The following ANO5 variants were observed in gnomAD, a reference collection of about 807,000 sequenced individuals.
ANO5 encodes the protein anoctamin-5.
ANO5 carries 109 observed loss-of-function variants against 121.0 expected under a neutral mutation model. The ratio of observed to expected loss-of-function variants is 0.90; its 90% CI spans 0.77 to 1.06. The LOEUF is 1.06. Among genes scored for constraint, ANO5 ranks in the 50% least tolerant of loss-of-function variants. The pLI, the probability that ANO5 is intolerant of heterozygous loss-of-function variation, is 0.00. For synonymous variants in ANO5, 406 were observed against 359.9 expected (o/e 1.13, Z -1.45); for missense variants, 1,064 against 1,078.5 (o/e 0.99, Z 0.19).
chr11:22,264,086 C>A (rs1854283261), intron 17 of ANO5, among the ~76,000 whole-genome samples: 1 of 143,882 alleles, frequency 7.0e-6, no homozygotes, highest in African/African-American at 2.7e-5. Context: ...TGCAATGGCG[C>A]AATCTCGGCT....
chr11:22,266,801 G>C (rs2133763320), intron 17 of ANO5, among the ~76,000 whole-genome samples: 1 of 152,196 alleles, frequency 6.6e-6, no homozygotes, highest in South Asian at 2.1e-4. Flanking sequence ...TAGTTGTGGG[G>C]TGTGGGTTAT....
intron 7 of ANO5, among the ~76,000 whole-genome samples, chr11:22,230,995 A>G (rs1000037749): frequency 6.6e-6 from 1 of 151,956 alleles, no homozygotes; most frequent in Non-Finnish European, 1.5e-5. Context: ...ACTCTCTAAT[A>G]TAGACATCCA....
intron 1 of ANO5, among the ~76,000 whole-genome samples, chr11:22,201,329 C>T (rs899692385): frequency 6.6e-6 from 1 of 152,000 alleles, no homozygotes; most frequent in Non-Finnish European, 1.5e-5. Flanking sequence ...TCTTCTTTTG[C>T]GGATAAAAAG....
rs765275176 is a variant in ANO5 at position 22,218,269 on chromosome 11, C to T, written c.162C>T (p.Phe54=). The change falls in exon 4 of 22, where the codon TTC becomes TTT. Residue 54 remains phenylalanine, a synonymous_variant. Coordinates refer to ENST00000324559, the MANE Select transcript of ANO5 (RefSeq NM_213599.3). ...AGCCTGCAAAGCGATTCAATTTGTTCCTGAGGCGGCGGCTTATGGTAAAAC... is the reference window on the plus strand; with the variant it reads ...AGCCTGCAAAGCGATTCAATTTGTTTCTGAGGCGGCGGCTTATGGTAAAAC... ...ETMPAKRFNL[F]LRRRLMFQKN... The T allele has an allele frequency of 1.1e-5, 18 of 1,613,232 alleles. No individual in the cohort carries two copies. The highest frequency in any genetic ancestry group is 1.5e-5 in the Non-Finnish European group (18 of 1,179,704).
chr11:22,240,300 T>C (rs1853386871), intron 9 of ANO5, among the ~76,000 whole-genome samples: 1 of 151,984 alleles, frequency 6.6e-6, no homozygotes, highest in Non-Finnish European at 1.5e-5. Context: ...ATAGCAATAC[T>C]ACAAGCATAC....
chr11:22,242,287 T>C (rs1853457984), intron 9 of ANO5, among the ~76,000 whole-genome samples: 1 of 152,164 alleles, frequency 6.6e-6, no homozygotes, highest in South Asian at 2.1e-4. Flanking sequence ...ACCATAGCCT[T>C]ATAGCATAGT....
At chr11:22,251,868 A>T (rs1452773666) in intron 12 of ANO5, among the ~76,000 whole-genome samples, 3 of 151,648 alleles carry the variant, frequency 2.0e-5, no homozygotes, top group African/African-American at 7.3e-5. Context: ...CTACTAAAAA[A>T]TACCAAAAAA....
chr11:22,196,431 T>C (rs1851812481), intron 1 of ANO5, among the ~76,000 whole-genome samples: 1 of 152,040 alleles, frequency 6.6e-6, no homozygotes, highest in Non-Finnish European at 1.5e-5. Flanking sequence ...ACAGTTAAAT[T>C]TCACCATGAG....
At position 22,206,075 on chromosome 11, in the gene ANO5, C is replaced by T. The variant is rs1371756672; in HGVS notation, c.87+2225C>T. Among the ~76,000 whole-genome samples, 3 of 151,846 alleles carry T rather than the reference C, an allele frequency of 2.0e-5. No individual in the cohort carries two copies. The East Asian group carries it at 5.8e-4, about 29-fold the overall frequency. On this transcript the variant is annotated intron_variant, in intron 2 of 21. Coordinates refer to ENST00000324559, the MANE Select transcript of ANO5 (RefSeq NM_213599.3). ...AACATTAATTTTATACAATCTCTTCCAGAAAATAGAAGAAAAACAGATGCT... is the reference window on the plus strand; with the variant it reads ...AACATTAATTTTATACAATCTCTTCTAGAAAATAGAAGAAAAACAGATGCT...
chr11:22,208,648 C>T (rs1455762904), intron 2 of ANO5, among the ~76,000 whole-genome samples: 1 of 151,928 alleles, frequency 6.6e-6, no homozygotes, highest in African/African-American at 2.4e-5. Flanking sequence ...AAATGACCTC[C>T]AACTATACAG....
At chr11:22,200,845 T>G (rs1292266787) in intron 1 of ANO5, among the ~76,000 whole-genome samples, 1 of 152,166 alleles carries the variant, frequency 6.6e-6, no homozygotes, top group Non-Finnish European at 1.5e-5. Context: ...ATTGCTGATA[T>G]AGGATTTGAA....
At chr11:22,267,296 G>T (rs545529817) in intron 17 of ANO5, among the ~76,000 whole-genome samples, 1 of 151,208 alleles carries the variant, frequency 6.6e-6, no homozygotes, top group Non-Finnish European at 1.5e-5. Context: ...GGATTTTTAC[G>T]TTTGATATGA....
Position 22,269,047 on chromosome 11 carries a change from G to A in ANO5, c.1899-1265G>A, listed in dbSNP as rs566466944. Among the ~76,000 whole-genome samples, 5 of 150,510 alleles carry A rather than the reference G, an allele frequency of 3.3e-5. No homozygotes were observed. The South Asian group carries it at 6.3e-4, about 19-fold the overall frequency. ...ACATAGAGAAAGAAAAAAGGAGAGA[G>A]GGAGAGAGAGAGAAAAGGAAAGAAG... is the stretch of plus-strand genomic sequence containing the variant. On this transcript the variant is annotated intron_variant, in intron 17 of 21. Transcript: ENST00000324559.
At chr11:22,260,417 T>A (rs75256859) in intron 15 of ANO5, among the ~76,000 whole-genome samples, 1,654 of 152,254 alleles carry the variant, frequency 0.011, 42 homozygotes, top group African/African-American at 0.038. Context: ...CAAGCTCGTT[T>A]GAATCTGTTG....
intron 17 of ANO5, among the ~76,000 whole-genome samples, chr11:22,266,247 A>G (rs1854361955): frequency 6.6e-6 from 1 of 152,182 alleles, no homozygotes; most frequent in Non-Finnish European, 1.5e-5. Flanking sequence ...ATTTCTAGCC[A>G]TGTTCTGTTT....
rs747933251 is a variant in ANO5, at chr11:22,257,709, G to A, written c.1362G>A (p.Thr454=). ...KEMEPYMPLY[T]RIPWYFLSGA... is the part of the protein sequence containing the mutation. ...TGGAACCTTACATGCCTCTATACAC[G>A]CGTATTCCATGGTACTTTCTTTCAG... Residue 454 remains threonine (T), a synonymous_variant, in exon 14 of 22, where the codon ACG becomes ACA. Transcript: ENST00000324559. The A allele has an allele frequency of 1.2e-5, 20 of 1,612,294 alleles. No homozygotes were observed. The highest frequency in any genetic ancestry group is 1.6e-4 in the Middle Eastern group (1 of 6,078).
At chr11:22,207,585 A>G (rs1017480101) in intron 2 of ANO5, among the ~76,000 whole-genome samples, 1 of 152,120 alleles carries the variant, frequency 6.6e-6, no homozygotes, top group East Asian at 1.9e-4. Flanking sequence ...GAAAAAATGG[A>G]TCAAACTGTT....
At chr11:22,207,062 G>A in intron 2 of ANO5, among the ~76,000 whole-genome samples, 1 of 151,898 alleles carries the variant, frequency 6.6e-6, no homozygotes, top group East Asian at 1.9e-4. Context: ...AGTTTAAGAA[G>A]GTTGTAAAAA....
chr11:22,245,823 ACTGTGGCT>A (rs1853596939), intron 9 of ANO5, among the ~76,000 whole-genome samples: 1 of 152,010 alleles, frequency 6.6e-6, no homozygotes, highest in Admixed American at 6.6e-5. Flanking sequence ...CTGTGTTTTG[ACTGTGGCT>A]CATCACATGA....
Sources: allele counts gnomAD v4.1 joint callset (sites outside exome capture counted in the v4.1 genomes callset), GRCh38; gene constraint gnomAD v4.1.1; transcripts MANE v1.5; gene names NCBI Gene and HGNC (gene_info 2026-07-23, HGNC 2026-07-21).